The following SFI1 variants were observed in gnomAD, a reference collection of about 807,000 sequenced individuals.
The protein encoded by SFI1 is SFI1 centrin binding protein.
Under a neutral mutation model 207.5 loss-of-function variants are expected in SFI1, and 195 were observed. That is an observed-to-expected ratio of 0.94 (90% CI 0.84 to 1.06). SFI1 has a LOEUF of 1.06. Ranked by LOEUF, SFI1 falls within the 50% of genes least tolerant of loss-of-function variation. The probability of loss-of-function intolerance (pLI) is 0.00; values close to 1 mark genes in which losing one functional copy is unlikely to be tolerated. For missense variants in SFI1, 1,634 were observed against 1,588.0 expected (o/e 1.03, Z -0.49); for synonymous variants, 630 against 598.9 (o/e 1.05, Z -0.76).
Position 31,568,155 on chromosome 22 carries a change from CTA to C in SFI1, c.766-4893_766-4892del, listed in dbSNP as rs138581578. Among the ~76,000 whole-genome samples the C allele has an allele frequency of 7.2e-3, 999 of 137,846 alleles. 5 individuals carry two copies. Among genetic ancestry groups the C allele is most frequent in the African/African-American group, 0.016 (584 of 35,650 alleles). 90.4% of individuals were successfully genotyped at this position (137,846 alleles called of 152,430 possible). ...ATATCAATATGGACTCTCTCTCTCT[CTA>C]TATATATATGTGTGTGTGTGTGTGT... is the stretch of plus-strand genomic sequence containing the variant. On this transcript the variant is annotated intron_variant, in intron 8 of 32. Transcript: ENST00000400288.
intron 15 of SFI1, among the ~76,000 whole-genome samples, chr22:31,593,836 CCAGT>C (rs1247837760): frequency 4.1e-5 from 6 of 147,850 alleles, no homozygotes. Context: ...TCCACCAAAA[CCAGT>C]CAGGCGTGGC....
chr22:31,585,007 C>T, intron 13 of SFI1, 61 bp from the exon 14 acceptor site: 1 of 1,502,808 alleles, frequency 6.7e-7, no homozygotes, highest in Non-Finnish European at 9.2e-7. Context: ...CCGCAATTTA[C>T]CTGCCTTAAA....
chr22:31,498,860 C>CTTT (rs60377913), intron 1 of SFI1, among the ~76,000 whole-genome samples: 2 of 134,828 alleles, frequency 1.5e-5, no homozygotes, highest in African/African-American at 2.7e-5. Flanking sequence ...TTCTTTTTTT[C>CTTT]TTTTTTTTTT....
intron 4 of SFI1, among the ~76,000 whole-genome samples, chr22:31,545,376 GAAA>G (rs916109620): frequency 6.1e-5 from 9 of 146,620 alleles, no homozygotes; most frequent in African/African-American, 2.3e-4. Context: ...AAAAAAAAAA[GAAA>G]AAAAAAATTT....
chr22:31,594,181 T>A (rs907369340), intron 15 of SFI1, among the ~76,000 whole-genome samples: 1 of 152,202 alleles, frequency 6.6e-6, no homozygotes, highest in Non-Finnish European at 1.5e-5. Context: ...TTAAGTGTCA[T>A]TTCCCCGAAA....
rs533523971 is a variant in SFI1, at chr22:31,578,915, C to T, written c.1155+463C>T. Among the ~76,000 whole-genome samples the T allele has an allele frequency of 1.1e-4, 16 of 152,322 alleles. No individual in the cohort carries two copies. In the South Asian group the frequency reaches 3.3e-3, roughly 32 times the overall value. ...CCCCTAATCCAGTCTGATATCTTCA[C>T]TTCTGTCTCAGAAAATTGAAGCCTA... On this transcript the variant is annotated intron_variant, in intron 11 of 32. Coordinates refer to ENST00000400288, the MANE Select transcript of SFI1 (RefSeq NM_001007467.3).
chr22:31,533,723 G>A (rs1036911646), intron 4 of SFI1, among the ~76,000 whole-genome samples: 1 of 152,158 alleles, frequency 6.6e-6, no homozygotes, highest in Non-Finnish European at 1.5e-5. Context: ...TGAATCTTGG[G>A]CATGTCATCC....
chr22:31,607,991 G>A lies in SFI1; in HGVS notation c.2212G>A (p.Glu738Lys), dbSNP rs1379830170. 1 of 1,614,012 alleles carries A rather than the reference G, an allele frequency of 6.2e-7. No individual in the cohort carries two copies. Among genetic ancestry groups the A allele is most frequent in the South Asian group, 1.1e-5 (1 of 91,070 alleles). Residue 738 changes from glutamate (E) to lysine (K), a missense_variant, in exon 22 of 33, where the codon GAG (glutamate) becomes AAG (lysine). By Grantham distance (56) the Glu-to-Lys change is moderately conservative. Transcript: ENST00000400288. ...AGTGCAGATGTATTACCGACAGCAGGAGGACTGTGCCATCTGGGAGGCCCA... is the reference window on the plus strand; with the variant it reads ...AGTGCAGATGTATTACCGACAGCAGAAGGACTGTGCCATCTGGGAGGCCCA... Reference protein sequence around the residue: ...VSVQMYYRQQEDCAIWEAQKV... With the variant: ...VSVQMYYRQQKDCAIWEAQKV...
intron 2 of SFI1, among the ~76,000 whole-genome samples, chr22:31,515,593 C>T (rs2056378578): frequency 6.6e-6 from 1 of 151,668 alleles, no homozygotes; most frequent in South Asian, 2.1e-4. Flanking sequence ...CTTGGTTGCC[C>T]ACGCTGGTCT....
chr22:31,554,782 T>C (rs1353894437), intron 6 of SFI1, among the ~76,000 whole-genome samples: 1 of 152,112 alleles, frequency 6.6e-6, no homozygotes, highest in Non-Finnish European at 1.5e-5. Flanking sequence ...AATTTTTTTT[T>C]TGTATTTTTA....
intron 4 of SFI1, among the ~76,000 whole-genome samples, chr22:31,544,275 TTTTGCTGTTG>T (rs2059878100): frequency 6.6e-6 from 1 of 152,182 alleles, no homozygotes; most frequent in Non-Finnish European, 1.5e-5. Context: ...CTTACTCATC[TTTTGCTGTTG>T]TTATGACTCC....
rs183957473 is a variant in SFI1, at chr22:31,612,691, C to A, written c.2491-451C>A. The A allele has an allele frequency of 6.9e-4, 114 of 164,424 alleles. 2 individuals are homozygous for A. In the East Asian group the frequency reaches 0.015, roughly 21 times the overall value. The allele number at this position is 164,424 out of a possible 1,614,324, so 10.2% of individuals were successfully genotyped here. A position where few individuals can be genotyped will look rare whatever the true frequency, so the allele number is the denominator to read the frequency against. ...GAGCTGTGATCATGCCACTGCACTTCAGCCTGGATGAGAGTGAGATTCCAT... is the reference window on the plus strand; with the variant it reads ...GAGCTGTGATCATGCCACTGCACTTAAGCCTGGATGAGAGTGAGATTCCAT... On this transcript the variant is annotated intron_variant, in intron 24 of 32. Transcript: ENST00000400288.
chr22:31,544,911 T>G (rs1364902809), intron 4 of SFI1, among the ~76,000 whole-genome samples: 1 of 152,134 alleles, frequency 6.6e-6, no homozygotes, highest in African/African-American at 2.4e-5. Context: ...TTTTTTTGAT[T>G]GTTTAAGAGA....
At chr22:31,547,017 T>C (rs777775822) in intron 5 of SFI1, 46 bp downstream of exon 5, 10 of 1,326,008 alleles carry the variant, frequency 7.5e-6, no homozygotes, top group Non-Finnish European at 1.1e-5. Context: ...ATGCACATTA[T>C]CAGATGATTA....
intron 2 of SFI1, among the ~76,000 whole-genome samples, chr22:31,510,681 A>G (rs2055363886): frequency 1.3e-5 from 2 of 151,006 alleles, no homozygotes; most frequent in Non-Finnish European, 1.5e-5. Context: ...TCACCCACCT[A>G]CCTCGGCCTC....
At chr22:31,514,607 C>T (rs2056211240) in intron 2 of SFI1, among the ~76,000 whole-genome samples, 1 of 151,858 alleles carries the variant, frequency 6.6e-6, no homozygotes, top group African/African-American at 2.4e-5. Context: ...CTACTCCTAG[C>T]CTTTGGTAAC....
chr22:31,555,449 G>A (rs1351308578), intron 6 of SFI1, among the ~76,000 whole-genome samples: 1 of 152,172 alleles, frequency 6.6e-6, no homozygotes, highest in African/African-American at 2.4e-5. Flanking sequence ...CTCAGGGAGT[G>A]TCCATTCACT....
intron 4 of SFI1, among the ~76,000 whole-genome samples, chr22:31,536,320 C>T (rs2058989203): frequency 6.6e-6 from 1 of 152,172 alleles, no homozygotes. Context: ...TTTTAGGGTT[C>T]TCCTGTTGTT....
chr22:31,575,824 T>A (rs2063421067), intron 10 of SFI1, among the ~76,000 whole-genome samples: 1 of 152,214 alleles, frequency 6.6e-6, no homozygotes, highest in Non-Finnish European at 1.5e-5. Context: ...GATCATAGTT[T>A]CCATTTATTG....
Sources: allele counts gnomAD v4.1 joint callset (sites outside exome capture counted in the v4.1 genomes callset), GRCh38; gene constraint gnomAD v4.1.1; transcripts MANE v1.5; gene names NCBI Gene and HGNC (gene_info 2026-07-23, HGNC 2026-07-21).